CLIC5: variants seen among roughly 807,000 people sequenced by gnomAD.
The protein encoded by CLIC5 is chloride intracellular channel protein 5.
Under a neutral mutation model 24.7 loss-of-function variants are expected in CLIC5, and 20 were observed. That is an observed-to-expected ratio of 0.81 (90% CI 0.57 to 1.18). The LOEUF (loss-of-function observed/expected upper bound fraction) is 1.18. CLIC5 is among the 50% of genes most tolerant of loss of function. CLIC5 has a pLI of 0.00. For synonymous variants in CLIC5, 159 were observed against 135.6 expected, an observed-to-expected ratio of 1.17 and a Z score of -1.20; for missense variants, 341 against 326.1, an observed-to-expected ratio of 1.05 and a Z score of -0.35.
chr6:45,907,158 T>A (rs1413896698), intron 5 of CLIC5, among the ~76,000 whole-genome samples: 1 of 152,204 alleles, frequency 6.6e-6, no homozygotes, highest in Non-Finnish European at 1.5e-5. Flanking sequence ...TGGCTGCAGA[T>A]TTGTCATAGA....
intron 1 of CLIC5, among the ~76,000 whole-genome samples, chr6:46,034,163 TCTTA>T (rs1767597903): frequency 6.6e-6 from 1 of 152,246 alleles, no homozygotes; most frequent in African/African-American, 2.4e-5. Context: ...TCAATGGTTC[TCTTA>T]CTTGGCTGCA....
At chr6:45,966,902 T>C (rs911285131) in intron 1 of CLIC5, among the ~76,000 whole-genome samples, 8 of 152,330 alleles carry the variant, frequency 5.3e-5, no homozygotes, top group Non-Finnish European at 1.0e-4. Flanking sequence ...TTTTTATGGT[T>C]GCATCTCCAC....
intron 1 of CLIC5, among the ~76,000 whole-genome samples, chr6:45,972,935 C>T (rs757488375): frequency 3.3e-5 from 5 of 152,092 alleles, no homozygotes; most frequent in Non-Finnish European, 5.9e-5. Context: ...AGTAATCTGG[C>T]CCTACTGGGT....
At chr6:45,919,636 T>C (rs1275239825) in intron 4 of CLIC5, among the ~76,000 whole-genome samples, 1 of 152,220 alleles carries the variant, frequency 6.6e-6, no homozygotes, top group Non-Finnish European at 1.5e-5. Flanking sequence ...TACAACTGTT[T>C]CTACTCTGTG....
chr6:46,057,443 A>T (rs1768291413), intron 1 of CLIC5, among the ~76,000 whole-genome samples: 1 of 151,790 alleles, frequency 6.6e-6, no homozygotes, highest in Non-Finnish European at 1.5e-5. Flanking sequence ...GTCCAATTAA[A>T]CCTCTTTTTC....
intron 1 of CLIC5, among the ~76,000 whole-genome samples, chr6:45,995,641 G>A (rs1581839484): frequency 6.6e-6 from 1 of 152,282 alleles, no homozygotes; most frequent in East Asian, 1.9e-4. Context: ...ACATTTAGAA[G>A]CACTCAAATT....
rs1190051020 is a variant in CLIC5, at chr6:45,909,277, C to T, written c.588+4951G>A. On this transcript the variant is annotated intron_variant, in intron 5 of 5. Transcript: ENST00000339561. ...TCAAGTGGGGCACTTAGATCATTTACATTCAAGGTTAATATTGATATGTGA... is the reference window on the plus strand; with the variant it reads ...TCAAGTGGGGCACTTAGATCATTTATATTCAAGGTTAATATTGATATGTGA... 3.9e-5 allele frequency among the ~76,000 whole-genome samples: 6 copies of T among 152,230 alleles called. No individual in the cohort carries two copies. The East Asian group carries it at 7.7e-4, about 20-fold the overall frequency.
At chr6:45,980,114 A>T (rs542169560) in intron 1 of CLIC5, among the ~76,000 whole-genome samples, 2 of 152,110 alleles carry the variant, frequency 1.3e-5, no homozygotes, top group African/African-American at 4.8e-5. Flanking sequence ...AATCTTCTGC[A>T]TATGGCCAGC....
chr6:46,077,281 C>T (rs1762796218), intron 1 of CLIC5, among the ~76,000 whole-genome samples: 1 of 152,118 alleles, frequency 6.6e-6, no homozygotes, highest in Non-Finnish European at 1.5e-5. Context: ...ACCTGCATGA[C>T]ATTCTCACCA....
chr6:46,038,710 C>G (rs933293245), intron 1 of CLIC5, among the ~76,000 whole-genome samples: 1 of 152,148 alleles, frequency 6.6e-6, no homozygotes, highest in African/African-American at 2.4e-5. Flanking sequence ...ACTCTCTTTC[C>G]CAGATTGGTT....
chr6:45,999,732 G>GTTTTTTTTTTTT lies in CLIC5; in HGVS notation c.63+15736_63+15747dup, dbSNP rs1201850451. On this transcript the variant is annotated intron_variant, in intron 1 of 5. Transcript: ENST00000339561. Reference sequence around the variant, plus strand: ...GTAAATCTATTTTCTCTTCCTTGTGGTTTTTTTTTTTTTTTTTTTTTTTTG... The same window carrying GTTTTTTTTTTTT: ...GTAAATCTATTTTCTCTTCCTTGTGGTTTTTTTTTTTTTTTTTTTTTTTTTTTTTTTTTTTTG... Among the ~76,000 whole-genome samples the GTTTTTTTTTTTT allele has an allele frequency of 1.2e-4, 6 of 50,848 alleles. 1 individual carries two copies. The highest frequency in any genetic ancestry group is 5.7e-4 in the African/African-American group (6 of 10,450). 33.4% of individuals were successfully genotyped at this position (50,848 alleles called of 152,430 possible). A position where few individuals can be genotyped will look rare whatever the true frequency, so the allele number is the denominator to read the frequency against.
the CLIC5 span, among the ~76,000 whole-genome samples, chr6:46,089,823 T>G: frequency 6.6e-6 from 1 of 152,224 alleles, no homozygotes; most frequent in Non-Finnish European, 1.5e-5. Context: ...TAGTTCTGCT[T>G]TGTATTCCAT....
chr6:45,938,579 G>C (rs920138769), intron 4 of CLIC5, among the ~76,000 whole-genome samples: 3 of 152,116 alleles, frequency 2.0e-5, no homozygotes, highest in Non-Finnish European at 4.4e-5. Flanking sequence ...GAGTCACAAG[G>C]GCAAGTCTCA....
chr6:46,098,047 G>A, the CLIC5 span, among the ~76,000 whole-genome samples: 1 of 152,202 alleles, frequency 6.6e-6, no homozygotes, highest in Non-Finnish European at 1.5e-5. Flanking sequence ...GGAGGAGTGT[G>A]CAGGAGGGAG....
At chr6:46,117,303 T>C in the CLIC5 span, among the ~76,000 whole-genome samples, 2 of 152,238 alleles carry the variant, frequency 1.3e-5, no homozygotes, top group East Asian at 1.9e-4. Context: ...CTGTGAGAAA[T>C]AGAAGTCCTC....
At chr6:46,080,674 T>A (rs569867637), upstream of CLIC5, among the ~76,000 whole-genome samples, 128 of 152,330 alleles carry the variant, frequency 8.4e-4, 1 homozygote, top group Non-Finnish European at 1.6e-3. Flanking sequence ...CCCCTGCAAT[T>A]CAGTGGAGAG....
chr6:45,970,522 A>G (rs1765165333), intron 1 of CLIC5, among the ~76,000 whole-genome samples: 1 of 152,164 alleles, frequency 6.6e-6, no homozygotes, highest in South Asian at 2.1e-4. Flanking sequence ...TGTTCTCTTT[A>G]TTGTACTCCC....
At chr6:45,881,452 C>T (rs571866224) in intron 6 of CLIC5, among the ~76,000 whole-genome samples, 12 of 152,082 alleles carry the variant, frequency 7.9e-5, no homozygotes, top group East Asian at 3.9e-4. Flanking sequence ...GGCCTTCCGG[C>T]GGCAGATTCT....
chr6:45,952,938 C>A (rs1764520685), intron 2 of CLIC5, among the ~76,000 whole-genome samples: 1 of 152,124 alleles, frequency 6.6e-6, no homozygotes, highest in Non-Finnish European at 1.5e-5. Flanking sequence ...GATGCAAGTT[C>A]ATTTATTTGA....
Sources: allele counts gnomAD v4.1 joint callset (sites outside exome capture counted in the v4.1 genomes callset), GRCh38; gene constraint gnomAD v4.1.1; transcripts MANE v1.5; gene names NCBI Gene and HGNC (gene_info 2026-07-23, HGNC 2026-07-21).